Variants in ICE2 observed in about 807,000 individuals in gnomAD.
ICE2 encodes the protein little elongation complex subunit 2.
In ICE2, 87 loss-of-function variants were observed where a neutral mutation model predicts 105.4. The ratio of observed to expected loss-of-function variants is 0.83; its 90% confidence interval spans 0.69 to 0.99. The LOEUF is 0.99. Among genes scored for constraint, ICE2 ranks in the 50% least tolerant of loss-of-function variants. ICE2 has a pLI of 0.00. For synonymous variants in ICE2, 399 were observed against 392.0 expected (o/e 1.02, Z -0.21); for missense variants, 1,323 against 1,146.7 (o/e 1.15, Z -2.22).
chr15:60,452,060 T>A (rs535093650), intron 9 of ICE2: 3 of 983,868 alleles, frequency 3.0e-6, no homozygotes, highest in African/African-American at 1.7e-5. Context: ...AAGAAGCCAC[T>A]GTCAATTTTC....
intron 5 of ICE2, among the ~76,000 whole-genome samples, chr15:60,459,921 A>G (rs1263631469): frequency 6.6e-6 from 1 of 152,208 alleles, no homozygotes; most frequent in African/African-American, 2.4e-5. Context: ...AAAAGAAGCA[A>G]AAACAAATCA....
At chr15:60,445,395 T>C in intron 11 of ICE2, 1 of 202,484 alleles carries the variant, frequency 4.9e-6, no homozygotes, top group Non-Finnish European at 8.8e-6. Context: ...TTCCAGAGGA[T>C]AAAATATTTT....
chr15:60,468,851 T>C (rs866333377), intron 3 of ICE2, among the ~76,000 whole-genome samples: 3 of 152,358 alleles, frequency 2.0e-5, no homozygotes, highest in Middle Eastern at 6.8e-3. Context: ...ACCATATTTT[T>C]TGAAAGCAGT....
At chr15:60,478,958 G>A (rs1320254564) in intron 1 of ICE2, 45 bp downstream of exon 1, 4 of 455,698 alleles carry the variant, frequency 8.8e-6, no homozygotes, top group East Asian at 1.4e-4. Flanking sequence ...GCCCGGCAGC[G>A]CCCTCCCGTC....
Position 60,437,958 on chromosome 15 carries a change from G to A in ICE2, c.2426-1731C>T, listed in dbSNP as rs550108181. The A allele has an allele frequency of 7.9e-5, 12 of 152,144 alleles. No homozygotes were observed. In the East Asian group the frequency reaches 1.7e-3, roughly 22 times the overall value. The allele number at this position is 152,144 out of a possible 1,614,324, so 9.4% of individuals were successfully genotyped here. ...ATTACAGGTGTGAGTAACGGCACCC[G>A]GCTCCGATTCTTACTTTTTTCACAA... On this transcript the variant is annotated intron_variant, in intron 12 of 15. Coordinates refer to ENST00000261520, the MANE Select transcript of ICE2 (RefSeq NM_024611.6).
At chr15:60,477,820 T>A in intron 2 of ICE2, 117 bp downstream of exon 2, 1 of 934,250 alleles carries the variant, frequency 1.1e-6, no homozygotes, top group South Asian at 1.3e-5. Flanking sequence ...TCTGAGACCC[T>A]AAACTTGTAT....
At chr15:60,445,737 T>C (rs997696626) in intron 11 of ICE2, 1 of 985,302 alleles carries the variant, frequency 1.0e-6, no homozygotes. Flanking sequence ...AAAATTTCCC[T>C]AGGCTATTCT....
rs200242300 is a variant in ICE2 at position 60,431,056 on chromosome 15, TAG to T, written c.2561+876_2561+877del. On this transcript the variant is annotated intron_variant, in intron 14 of 15. Coordinates refer to ENST00000261520, the MANE Select transcript of ICE2 (RefSeq NM_024611.6). ...CCAGCTAATTTTTTTGTATTTTTAG[TAG>T]AGACGGGGTTTCACCATGTTGGCCA... 6.6e-3 allele frequency among the ~76,000 whole-genome samples: 1,005 copies of T among 152,196 alleles called. 7 individuals carry two copies. Among genetic ancestry groups the T allele is most frequent in the African/African-American group, 0.024 (977 of 41,542 alleles).
At chr15:60,459,134 AAGG>A (rs2064205739) in intron 5 of ICE2, among the ~76,000 whole-genome samples, 1 of 152,206 alleles carries the variant, frequency 6.6e-6, no homozygotes, top group Non-Finnish European at 1.5e-5. Context: ...TACCAAAATG[AAGG>A]AGAAGCAATC....
chr15:60,428,857 G>GT (rs1363941715), intron 14 of ICE2, among the ~76,000 whole-genome samples, 170 bp from the exon 15 acceptor site: 1 of 152,106 alleles, frequency 6.6e-6, no homozygotes, highest in African/African-American at 2.4e-5. Context: ...CTATTTTTAT[G>GT]CTTTTTAGGC....
intron 12 of ICE2, among the ~76,000 whole-genome samples, chr15:60,436,990 C>T (rs540828698): frequency 8.5e-5 from 13 of 152,112 alleles, no homozygotes; most frequent in Admixed American, 2.0e-4. Context: ...TGGTGGCTCA[C>T]GCCTGAAATC....
At chr15:60,450,706 C>T (rs1320967750) in intron 9 of ICE2, among the ~76,000 whole-genome samples, 1 of 152,148 alleles carries the variant, frequency 6.6e-6, no homozygotes, top group East Asian at 1.9e-4. Flanking sequence ...CTCTCTGAAC[C>T]TCAACGGCCT....
At chr15:60,451,499 C>T (rs2141072249) in intron 9 of ICE2, 1 of 984,712 alleles carries the variant, frequency 1.0e-6, no homozygotes, top group Non-Finnish European at 1.2e-6. Flanking sequence ...ATTGTTGGAC[C>T]ACAGAAATCA....
chr15:60,456,525 G>C lies in ICE2; in HGVS notation c.666+132C>G, dbSNP rs999408284. The C allele has an allele frequency of 1.5e-4, 21 of 140,332 alleles. 1 individual carries two copies. Among genetic ancestry groups the C allele is most frequent in the Non-Finnish European group, 2.5e-4 (19 of 74,978 alleles). The allele number at this position is 140,332 out of a possible 1,614,324, so 8.7% of individuals were successfully genotyped here. ...TGCCATTACACGCCAGGCGACGAGA[G>C]AGAGACTCTGTCTCCAAAAAAAAAA... On this transcript the variant is annotated intron_variant, in intron 6 of 15. Transcript: ENST00000261520.
At chr15:60,427,014 T>C (rs559481012) in intron 15 of ICE2, among the ~76,000 whole-genome samples, 1 of 152,330 alleles carries the variant, frequency 6.6e-6, no homozygotes, top group South Asian at 2.1e-4. Flanking sequence ...TTCTCCATTC[T>C]TTCACTTGTC....
chr15:60,475,937 TA>T, intron 3 of ICE2, 125 bp downstream of exon 3: 6 of 611,432 alleles, frequency 9.8e-6, no homozygotes, highest in Non-Finnish European at 1.7e-5. Flanking sequence ...ATACCAGTGT[TA>T]AAAGTTGTTT....
chr15:60,474,367 T>C (rs187886334), intron 3 of ICE2, among the ~76,000 whole-genome samples: 3 of 152,108 alleles, frequency 2.0e-5, no homozygotes, highest in African/African-American at 4.8e-5. Context: ...ATCCTACTTA[T>C]ACAAACACAT....
In ICE2 at chr15:60,478,051, C is replaced by CCCT; in HGVS notation, c.-77_-75dup. The CCCT allele has an allele frequency of 7.3e-7, 1 of 1,361,652 alleles. No individual in the cohort carries two copies. The highest frequency in any genetic ancestry group is 1.8e-4 in the Middle Eastern group (1 of 5,568). The allele number at this position is 1,361,652 out of a possible 1,614,324, so 84.3% of individuals were successfully genotyped here. ...CTGCGAAGGCTCCAAGAGGCAGGAT[C>CCCT]CCTCCAGAACTTACTCAGCTGAGTA... On this transcript the variant is annotated 5_prime_UTR_variant, in exon 2 of 16. Transcript: ENST00000261520.
chr15:60,476,002 C>A, intron 3 of ICE2, 61 bp downstream of exon 3: 1 of 1,130,718 alleles, frequency 8.8e-7, no homozygotes, highest in Non-Finnish European at 1.3e-6. Flanking sequence ...ACACATAAAA[C>A]TTCAACTATC....
Sources: allele counts gnomAD v4.1 joint callset (sites outside exome capture counted in the v4.1 genomes callset), GRCh38; gene constraint gnomAD v4.1.1; transcripts MANE v1.5; gene names NCBI Gene and HGNC (gene_info 2026-07-23, HGNC 2026-07-21).